ZBTB6: variants seen among roughly 807,000 people sequenced by gnomAD.
The protein encoded by ZBTB6 is zinc finger and BTB domain-containing protein 6.
ZBTB6 carries 11 observed loss-of-function variants against 30.6 expected under a neutral mutation model. The ratio of observed to expected loss-of-function variants is 0.36; its 90% confidence interval spans 0.23 to 0.60. The LOEUF (loss-of-function observed/expected upper bound fraction) is 0.60. Among genes scored for constraint, ZBTB6 ranks in the 20% least tolerant of loss-of-function variants. The pLI is 0.75. For missense variants in ZBTB6, 380 were observed against 489.4 expected (o/e 0.78, Z 2.11); for synonymous variants, 174 against 172.0 (o/e 1.01, Z -0.09).
chr9:122,908,627 C>A lies in ZBTB6; in HGVS notation c.*2171G>T, dbSNP rs911613529. 6.6e-6 allele frequency: 1 copy of A among 152,320 alleles called. No individual in the cohort carries two copies. The highest frequency in any genetic ancestry group is 6.6e-5 in the Admixed American group (1 of 15,262). 9.4% of individuals were successfully genotyped at this position (152,320 alleles called of 1,614,324 possible). ...CCTCCCATCTCCATCCTTCCCCCTT[C>A]CCCCCACGCCATTTTATAATAGGAA... is the stretch of plus-strand genomic sequence containing the variant. On this transcript the variant is annotated 3_prime_UTR_variant, in exon 2 of 2. Transcript: ENST00000373659.
chr9:122,913,110 C>G (rs1164536792), intron 1 of ZBTB6, 141 bp downstream of exon 1: 3 of 294,810 alleles, frequency 1.0e-5, no homozygotes, highest in Non-Finnish European at 1.5e-5. Flanking sequence ...GGAGGCAACC[C>G]TGCGAAGGGC....
Position 122,912,028 on chromosome 9 carries a change from T to C in ZBTB6, c.45A>G (p.Gln15=). The C allele has an allele frequency of 6.2e-7, 1 of 1,613,958 alleles. No homozygotes were observed. The highest frequency in any genetic ancestry group is 8.5e-7 in the Non-Finnish European group (1 of 1,179,906). The change falls in exon 2 of 2, where the codon CAA becomes CAG. Residue 15 remains glutamine (Q), a synonymous_variant. Transcript: ENST00000373659. ...TCATTTTCTGCAAGACCACATCTCCTTGCTGTTCAAACTGGAAATGCAGAA... is the reference window on the plus strand; with the variant it reads ...TCATTTTCTGCAAGACCACATCTCCCTGCTGTTCAAACTGGAAATGCAGAA... The part of the protein sequence containing the change: ...SDVLHFQFEQ[Q]GDVVLQKMNL...
chr9:122,911,530 CTCT>C lies in ZBTB6; in HGVS notation c.540_542del (p.Glu182del). 6.2e-7 allele frequency: 1 copy of C among 1,613,988 alleles called. No individual in the cohort carries two copies. Among genetic ancestry groups the C allele is most frequent in the Non-Finnish European group, 8.5e-7 (1 of 1,180,014 alleles). Reference sequence around the variant, plus strand: ...CTGTAGACTGCAAAGCATTGCTTTCCTCTTCTTTAACATGGAAATCTATGTTTA... The same window carrying C: ...CTGTAGACTGCAAAGCATTGCTTTCCTCTTTAACATGGAAATCTATGTTTA... On this transcript the variant is annotated inframe_deletion, in exon 2 of 2. Coordinates refer to ENST00000373659, the MANE Select transcript of ZBTB6 (RefSeq NM_006626.6). The surrounding 1 kb of genome is among the most constrained non-coding windows in gnomAD (Gnocchi z 4.5).
In ZBTB6 at chr9:122,910,987, T is replaced by C. The variant is rs773435215; in HGVS notation, c.1086A>G (p.Thr362=). ...RPFQCTVCLK[T]FTAKSTLQDH... ...CCTGAAGTGTGCTTTTGGCAGTAAA[T>C]GTCTTCAAGCACACAGTACACTGAA... Residue 362 remains threonine, a synonymous_variant, in exon 2 of 2, where the codon ACA becomes ACG. Coordinates refer to ENST00000373659, the MANE Select transcript of ZBTB6 (RefSeq NM_006626.6). The C allele has an allele frequency of 1.9e-6, 3 of 1,614,080 alleles. No homozygotes were observed. The Admixed American group carries it at 5.0e-5, about 27-fold the overall frequency.
Position 122,912,037 on chromosome 9 carries a change from A to C in ZBTB6, c.36T>G (p.Phe12Leu). The change falls in exon 2 of 2, where the codon TTT becomes TTG. Residue 12 changes from phenylalanine to leucine, a missense_variant. Coordinates refer to ENST00000373659, the MANE Select transcript of ZBTB6 (RefSeq NM_006626.6). The stretch of plus-strand genomic sequence containing the variant: ...GCAAGACCACATCTCCTTGCTGTTC[A>C]AACTGGAAATGCAGAACATCAGACT... Reference protein sequence around the residue: ...AAESDVLHFQFEQQGDVVLQK... With the variant: ...AAESDVLHFQLEQQGDVVLQK... The C allele has an allele frequency of 6.2e-7, 1 of 1,613,734 alleles. No homozygotes were observed. Among genetic ancestry groups the C allele is most frequent in the Non-Finnish European group, 8.5e-7 (1 of 1,179,776 alleles).
intron 1 of ZBTB6, among the ~76,000 whole-genome samples, chr9:122,912,790 C>G (rs1485279615): frequency 6.6e-6 from 1 of 152,152 alleles, no homozygotes; most frequent in East Asian, 1.9e-4. Context: ...ATACTCGAAC[C>G]TCGTTCAATA....
At position 122,911,455 on chromosome 9, in the gene ZBTB6, AGACAGC is replaced by A. The variant is rs942593986; in HGVS notation, c.612_617del (p.Glu204_Ser206delinsAsp). On this transcript the variant is annotated inframe_deletion, in exon 2 of 2. Transcript: ENST00000373659. This position sits in a 1 kb window ranked among gnomAD's most constrained non-coding sequence, Gnocchi z 4.5. ...TGTCTTTAAAACCTATGTCTACTGT[AGACAGC>A]TCTGGTGACTTCATTTCCTTTCTCT... 1.9e-6 allele frequency: 3 copies of A among 1,614,102 alleles called. No individual in the cohort carries two copies. Among genetic ancestry groups the A allele is most frequent in the African/African-American group, 2.7e-5 (2 of 74,946 alleles).
chr9:122,913,256 C>T lies in ZBTB6; in HGVS notation c.-15G>A. ...TCTACTTTGCACTCACTCACCGACT[C>T]AGAAAACTAGAGTCAAGGATTCCGC... is the stretch of plus-strand genomic sequence containing the variant. On this transcript the variant is annotated 5_prime_UTR_variant, in exon 1 of 2. Coordinates refer to ENST00000373659, the MANE Select transcript of ZBTB6 (RefSeq NM_006626.6). The T allele has an allele frequency of 2.5e-5, 25 of 986,216 alleles. No individual in the cohort carries two copies. Among genetic ancestry groups the T allele is most frequent in the Non-Finnish European group, 3.0e-5 (25 of 830,054 alleles). 61.1% of individuals were successfully genotyped at this position (986,216 alleles called of 1,614,324 possible).
Position 122,911,986 on chromosome 9 carries a change from C to T in ZBTB6, c.87G>A (p.Gln29=). Residue 29 remains glutamine (Q), a synonymous_variant, in exon 2 of 2, where the codon CAG becomes CAA. Transcript: ENST00000373659. The surrounding 1 kb of genome is among the most constrained non-coding windows in gnomAD (Gnocchi z 4.5). ...VLQKMNLLRQ[Q]NLFCDVSIYI... is the part of the protein sequence containing the mutation. ...AAATTGATACATCACAAAATAAATT[C>T]TGCTGTCTCAAAAGATTCATTTTCT... 3 of 1,614,200 alleles carry T rather than the reference C, an allele frequency of 1.9e-6. No individual in the cohort carries two copies. The highest frequency in any genetic ancestry group is 2.5e-6 in the Non-Finnish European group (3 of 1,180,040).
Position 122,911,057 on chromosome 9 carries a change from T to C in ZBTB6, c.1016A>G (p.Lys339Arg). 1 of 1,614,224 alleles carries C rather than the reference T, an allele frequency of 6.2e-7. No individual in the cohort carries two copies. Among genetic ancestry groups the C allele is most frequent in the South Asian group, 1.1e-5 (1 of 91,084 alleles). ...LQCGKTFTQK[K>R]NLNRHIRGHM... ...TCCTCGGATGTGTCGGTTGAGATTT[T>C]TCTTCTGTGTAAATGTTTTTCCGCA... The change falls in exon 2 of 2, where the codon AAA (lysine) becomes AGA (arginine). Residue 339 changes from lysine (K) to arginine (R), a missense_variant. Coordinates refer to ENST00000373659, the MANE Select transcript of ZBTB6 (RefSeq NM_006626.6). This position sits in a 1 kb window ranked among gnomAD's most constrained non-coding sequence, Gnocchi z 4.5.
At chr9:122,912,458 G>A (rs1832962481) in intron 1 of ZBTB6, among the ~76,000 whole-genome samples, 1 of 151,784 alleles carries the variant, frequency 6.6e-6, no homozygotes, top group Non-Finnish European at 1.5e-5. Flanking sequence ...TATCCAATTA[G>A]CAACTTTAAC....
chr9:122,908,807 T>A lies in ZBTB6; in HGVS notation c.*1991A>T, dbSNP rs1280779385. 6.6e-6 allele frequency: 1 copy of A among 152,102 alleles called. No homozygotes were observed. The highest frequency in any genetic ancestry group is 1.5e-5 in the Non-Finnish European group (1 of 68,008). 9.4% of individuals were successfully genotyped at this position (152,102 alleles called of 1,614,324 possible). ...TATCACACTTTCCAGTGGAAAAAGA[T>A]CCACTAATTAGAAAAATTATGTCTC... On this transcript the variant is annotated 3_prime_UTR_variant, in exon 2 of 2. Transcript: ENST00000373659.
Position 122,911,776 on chromosome 9 carries a change from C to T in ZBTB6, c.297G>A (p.Glu99=), listed in dbSNP as rs1832956864. Residue 99 remains glutamate, a synonymous_variant, in exon 2 of 2, where the codon GAG becomes GAA. Coordinates refer to ENST00000373659, the MANE Select transcript of ZBTB6 (RefSeq NM_006626.6). The surrounding 1 kb of genome is among the most constrained non-coding windows in gnomAD (Gnocchi z 4.5). Reference sequence around the variant, plus strand: ...TGGCAGCAGTCAAGTATTTCAAAAGCTCTTTCCTTTTAACTTCAAGTGCTC... The same window carrying T: ...TGGCAGCAGTCAAGTATTTCAAAAGTTCTTTCCTTTTAACTTCAAGTGCTC... ...YTGALEVKRK[E]LLKYLTAASY... 6.2e-7 allele frequency: 1 copy of T among 1,614,180 alleles called. No individual in the cohort carries two copies. The highest frequency in any genetic ancestry group is 8.5e-7 in the Non-Finnish European group (1 of 1,180,036).
Position 122,911,290 on chromosome 9 carries a change from C to G in ZBTB6, c.783G>C (p.Glu261Asp), listed in dbSNP as rs143894946. 1.8e-4 allele frequency: 283 copies of G among 1,614,118 alleles called. No individual in the cohort carries two copies. The highest frequency in any genetic ancestry group is 1.0e-3 in the Admixed American group (60 of 60,026). The change falls in exon 2 of 2, where the codon GAG (glutamate) becomes GAC (aspartate). Residue 261 changes from glutamate (E) to aspartate (D), a missense_variant. Coordinates refer to ENST00000373659, the MANE Select transcript of ZBTB6 (RefSeq NM_006626.6). The surrounding 1 kb of genome is among the most constrained non-coding windows in gnomAD (Gnocchi z 4.5). The part of the protein sequence containing the change: ...TQHSLINSTV[E>D]SRVAEVPGNQ... ...TCCCAGGAACTTCAGCCACTCTGCT[C>G]TCAACTGTAGAATTGATCAATGAAT...
chr9:122,909,969 T>C lies in ZBTB6; in HGVS notation c.*829A>G, dbSNP rs1156544579. 6.6e-6 allele frequency: 1 copy of C among 152,168 alleles called. No homozygotes were observed. Among genetic ancestry groups the C allele is most frequent in the East Asian group, 1.9e-4 (1 of 5,206 alleles). 9.4% of individuals were successfully genotyped at this position (152,168 alleles called of 1,614,324 possible). On this transcript the variant is annotated 3_prime_UTR_variant, in exon 2 of 2. Coordinates refer to ENST00000373659, the MANE Select transcript of ZBTB6 (RefSeq NM_006626.6). ...ACAGAACTATACACCAAGAAGAAAT[T>C]TCAATTTTACTTCATGTTAAATAAA...
intron 1 of ZBTB6, among the ~76,000 whole-genome samples, chr9:122,912,496 C>T (rs994176673): frequency 6.6e-6 from 1 of 152,138 alleles, no homozygotes; most frequent in African/African-American, 2.4e-5. Flanking sequence ...TACTCCCCAC[C>T]ACTACAACAG....
In ZBTB6 at chr9:122,910,219, C is replaced by A. The variant is rs989869749; in HGVS notation, c.*579G>T. On this transcript the variant is annotated 3_prime_UTR_variant, in exon 2 of 2. Coordinates refer to ENST00000373659, the MANE Select transcript of ZBTB6 (RefSeq NM_006626.6). ...ATAAAAGTATTTTAAGGATTATTAA[C>A]CCTGTATAAAAAAATTCTGCTATTC... 1 of 152,026 alleles carries A rather than the reference C, an allele frequency of 6.6e-6. No individual in the cohort carries two copies. Among genetic ancestry groups the A allele is most frequent in the East Asian group, 1.9e-4 (1 of 5,194 alleles). The allele number at this position is 152,026 out of a possible 1,614,324, so 9.4% of individuals were successfully genotyped here. A position where few individuals can be genotyped will look rare whatever the true frequency, so the allele number is the denominator to read the frequency against.
At position 122,910,743 on chromosome 9, in the gene ZBTB6, A is replaced by G; in HGVS notation, c.*55T>C. 3 of 1,467,836 alleles carry G rather than the reference A, an allele frequency of 2.0e-6. No homozygotes were observed. Among genetic ancestry groups the G allele is most frequent in the Non-Finnish European group, 2.8e-6 (3 of 1,087,364 alleles). 90.9% of individuals were successfully genotyped at this position (1,467,836 alleles called of 1,614,324 possible). On this transcript the variant is annotated 3_prime_UTR_variant, in exon 2 of 2. Coordinates refer to ENST00000373659, the MANE Select transcript of ZBTB6 (RefSeq NM_006626.6). ...TATTACAAATGCTGCATCTCTACAG[A>G]AAGACTTGCGTAATAGAATAATACA...
In ZBTB6 at chr9:122,910,749, T is replaced by G; in HGVS notation, c.*49A>C. On this transcript the variant is annotated 3_prime_UTR_variant, in exon 2 of 2. Transcript: ENST00000373659. ...AAATGCTGCATCTCTACAGAAAGAC[T>G]TGCGTAATAGAATAATACAAACTTT... 1 of 1,486,222 alleles carries G rather than the reference T, an allele frequency of 6.7e-7. No individual in the cohort carries two copies. 92.1% of individuals were successfully genotyped at this position (1,486,222 alleles called of 1,614,324 possible).
Sources: gnomAD v4.1 joint callset for allele counts (sites outside exome capture counted in the v4.1 genomes callset) on GRCh38, gnomAD v4.1.1 for gene constraint, Gnocchi (gnomAD v3.1) non-coding constraint, MANE v1.5 for transcripts, NCBI Gene and HGNC (gene_info 2026-07-23, HGNC 2026-07-21) for gene names.